THADA: variants seen among roughly 807,000 people sequenced by gnomAD.
THADA encodes THADA armadillo repeat containing.
Under a neutral mutation model 219.8 loss-of-function variants are expected in THADA, and 213 were observed. The ratio of observed to expected loss-of-function variants is 0.97; its 90% CI spans 0.87 to 1.09. The LOEUF is 1.09. THADA is among the 50% of genes least tolerant of loss of function. The pLI is 0.00. For synonymous variants in THADA, 1,018 were observed against 828.9 expected, an observed-to-expected ratio of 1.23 and a Z score of -3.92; for missense variants, 2,956 against 2,311.3, an observed-to-expected ratio of 1.28 and a Z score of -5.72.
At chr2:43,253,644 A>C (rs368745516) in intron 36 of THADA, among the ~76,000 whole-genome samples, 1 of 152,138 alleles carries the variant, frequency 6.6e-6, no homozygotes, top group African/African-American at 2.4e-5. Context: ...CCAAACTGCT[A>C]CGATGGCCTA....
intron 16 of THADA, among the ~76,000 whole-genome samples, chr2:43,557,267 T>C (rs562671231): frequency 3.9e-5 from 6 of 152,216 alleles, no homozygotes; most frequent in Non-Finnish European, 8.8e-5. Flanking sequence ...AACCTTTTTT[T>C]AAAACTGCTT....
intron 1 of THADA, 80 bp from the exon 2 acceptor site, chr2:43,592,496 T>C (rs1701682686): frequency 2.5e-6 from 2 of 808,520 alleles, no homozygotes; most frequent in East Asian, 2.7e-5. Context: ...GTTCATTCTT[T>C]GTTGAACAGT....
chr2:43,412,605 C>T (rs1490776170), intron 28 of THADA, among the ~76,000 whole-genome samples: 2 of 152,166 alleles, frequency 1.3e-5, no homozygotes, highest in African/African-American at 2.4e-5. Context: ...CCCCTATATA[C>T]TTCAAAGCAT....
At chr2:43,578,178 G>A (rs534718255) in intron 9 of THADA, among the ~76,000 whole-genome samples, 2 of 150,788 alleles carry the variant, frequency 1.3e-5, no homozygotes, top group East Asian at 3.9e-4. Context: ...TAAGAGACAA[G>A]GTCTCACTCT....
chr2:43,502,076 AT>A (rs1689065053), intron 24 of THADA, among the ~76,000 whole-genome samples: 1 of 152,262 alleles, frequency 6.6e-6, no homozygotes, highest in African/African-American at 2.4e-5. Context: ...AGGATGTGTT[AT>A]AACAGAAATG....
At chr2:43,448,560 C>CTTTTTTTTTTTTTTTTTTTTCTTTTTTTT (rs71410179) in intron 26 of THADA, among the ~76,000 whole-genome samples, 1 of 103,630 alleles carries the variant, frequency 9.6e-6, no homozygotes, top group African/African-American at 3.6e-5. Flanking sequence ...TTCTTCCTTT[C>CTTTTTTTTTTTTTTTTTTTTCTTTTTTTT]TTTTTTTTTT....
chr2:43,276,216 C>T (rs530036351), intron 36 of THADA, among the ~76,000 whole-genome samples: 8 of 152,208 alleles, frequency 5.3e-5, no homozygotes, highest in African/African-American at 1.2e-4. Context: ...ATGATTGGTA[C>T]AGAGTGGGGA....
intron 31 of THADA, among the ~76,000 whole-genome samples, chr2:43,318,506 TA>T (rs1243465617): frequency 1.3e-5 from 2 of 152,244 alleles, no homozygotes. Context: ...TGAAATGTAG[TA>T]TGTATTTTAC....
Position 43,391,041 on chromosome 2 carries a change from T to C in THADA, c.4227+6930A>G, listed in dbSNP as rs13383020. ...TTTACCATTTAATCTTGCATAACTTTAGTGAAATCGCACAACCCCTCTTGT... is the reference window on the plus strand; with the variant it reads ...TTTACCATTTAATCTTGCATAACTTCAGTGAAATCGCACAACCCCTCTTGT... On this transcript the variant is annotated intron_variant, in intron 29 of 37. Transcript: ENST00000405975. Among the ~76,000 whole-genome samples, 1,192 of 152,268 alleles carry C rather than the reference T, an allele frequency of 7.8e-3. 20 individuals carry two copies. Among genetic ancestry groups the C allele is most frequent in the African/African-American group, 0.028 (1,153 of 41,552 alleles).
At chr2:43,549,441 C>A in intron 19 of THADA, 73 bp from the exon 20 acceptor site, 2 of 1,420,156 alleles carry the variant, frequency 1.4e-6, no homozygotes, top group Non-Finnish European at 1.9e-6. Context: ...GGGATGCTTA[C>A]TCAAAAAATC....
intron 29 of THADA, among the ~76,000 whole-genome samples, chr2:43,361,310 T>C (rs575975904): frequency 6.6e-6 from 1 of 152,354 alleles, no homozygotes; most frequent in East Asian, 1.9e-4. Context: ...ACTCCTCTCA[T>C]ATCCCATGAG....
chr2:43,234,148 G>A (rs1351651567), intron 36 of THADA, among the ~76,000 whole-genome samples: 1 of 152,210 alleles, frequency 6.6e-6, no homozygotes, highest in Non-Finnish European at 1.5e-5. Flanking sequence ...CATCCTATGG[G>A]TTGGGTATTA....
At chr2:43,270,643 T>G (rs554161260) in intron 36 of THADA, among the ~76,000 whole-genome samples, 1 of 152,186 alleles carries the variant, frequency 6.6e-6, no homozygotes, top group Non-Finnish European at 1.5e-5. Context: ...CTTATCTGCC[T>G]TGGGACGTTG....
intron 36 of THADA, among the ~76,000 whole-genome samples, chr2:43,234,485 A>AG (rs1041436465): frequency 6.6e-6 from 1 of 152,038 alleles, no homozygotes; most frequent in African/African-American, 2.4e-5. Context: ...AGAAAAGGGG[A>AG]GGGGGTGAAG....
Position 43,464,444 on chromosome 2 carries a change from G to A in THADA, c.3836+20790C>T, listed in dbSNP as rs557648835. ...CATTCCTAGCCAAATAAATGCTTATGAAGTGGACTGGTATTTATGTGCATC... is the reference window on the plus strand; with the variant it reads ...CATTCCTAGCCAAATAAATGCTTATAAAGTGGACTGGTATTTATGTGCATC... On this transcript the variant is annotated intron_variant, in intron 26 of 37. Transcript: ENST00000405975. Among the ~76,000 whole-genome samples, 3 of 152,292 alleles carry A rather than the reference G, an allele frequency of 2.0e-5. No individual in the cohort carries two copies. The South Asian group carries it at 6.2e-4, about 32-fold the overall frequency.
intron 20 of THADA, among the ~76,000 whole-genome samples, chr2:43,544,274 G>A (rs1172749597): frequency 2.0e-5 from 3 of 152,172 alleles, no homozygotes; most frequent in Non-Finnish European, 2.9e-5. Flanking sequence ...TTTGGTTACT[G>A]TAGCCTTATA....
At chr2:43,455,944 T>C (rs914700973) in intron 26 of THADA, among the ~76,000 whole-genome samples, 1 of 152,236 alleles carries the variant, frequency 6.6e-6, no homozygotes, top group Admixed American at 6.5e-5. Context: ...TTTGACTTTA[T>C]GACCTTATTA....
chr2:43,587,866 ATGAG>A (rs1378390226), intron 4 of THADA, among the ~76,000 whole-genome samples: 1 of 152,198 alleles, frequency 6.6e-6, no homozygotes, highest in Non-Finnish European at 1.5e-5. Flanking sequence ...AATTTATCAA[ATGAG>A]TAAATTAAAC....
chr2:43,398,181 C>G, intron 28 of THADA, 42 bp from the exon 29 acceptor site: 1 of 1,590,872 alleles, frequency 6.3e-7, no homozygotes, highest in Non-Finnish European at 8.6e-7. Context: ...ATAGTCATCT[C>G]CACATCTGTG....
Sources: gnomAD v4.1 joint callset for allele counts (sites outside exome capture counted in the v4.1 genomes callset) on GRCh38, gnomAD v4.1.1 for gene constraint, MANE v1.5 for transcripts, NCBI Gene and HGNC (gene_info 2026-07-23, HGNC 2026-07-21) for gene names.